CST7: variants seen among roughly 807,000 people sequenced by gnomAD.
The protein encoded by CST7 is cystatin F.
In CST7, 15 loss-of-function variants were observed where a neutral mutation model predicts 13.1. The ratio of observed to expected loss-of-function variants is 1.14; its 90% CI spans 0.77 to 1.76. The LOEUF (loss-of-function observed/expected upper bound fraction) is 1.76, where lower values mean the gene tolerates loss of function less well. Ranked by LOEUF, CST7 falls within the 40% of genes most tolerant of loss-of-function variation. The pLI, the probability that CST7 is intolerant of heterozygous loss-of-function variation, is 0.00. For synonymous variants in CST7, 75 were observed against 66.9 expected, an observed-to-expected ratio of 1.12 and a Z score of -0.59; for missense variants, 193 against 178.8, an observed-to-expected ratio of 1.08 and a Z score of -0.45.
chr20:24,957,210 A>G, intron 1 of CST7, 77 bp from the exon 2 acceptor site: 4 of 1,452,696 alleles, frequency 2.8e-6, no homozygotes, highest in Non-Finnish European at 3.8e-6. Flanking sequence ...TGAGCATCAC[A>G]GAGGCATGAG....
intron 2 of CST7, 81 bp from the exon 3 acceptor site, chr20:24,958,847 G>C: frequency 1.9e-6 from 2 of 1,044,718 alleles, no homozygotes; most frequent in Admixed American, 1.7e-5. Flanking sequence ...CTGCACCACT[G>C]TCTTGAGGCC....
chr20:24,953,552 C>A (rs1170564760), intron 1 of CST7, among the ~76,000 whole-genome samples: 2 of 152,160 alleles, frequency 1.3e-5, no homozygotes, highest in East Asian at 3.9e-4. Flanking sequence ...GTTTCATTTG[C>A]CTTCCTGTGA....
chr20:24,958,831 G>A (rs2087875663), intron 2 of CST7, 97 bp from the exon 3 acceptor site: 1 of 862,612 alleles, frequency 1.2e-6, no homozygotes, highest in Non-Finnish European at 1.9e-6. Flanking sequence ...TCTCCTCGGT[G>A]GGCACCTGCA....
Position 24,959,782 on chromosome 20 carries a change from C to A in CST7, c.*70C>A. 6.8e-7 allele frequency: 1 copy of A among 1,473,126 alleles called. No homozygotes were observed. The highest frequency in any genetic ancestry group is 9.5e-7 in the Non-Finnish European group (1 of 1,052,874). 91.3% of individuals were successfully genotyped at this position (1,473,126 alleles called of 1,614,324 possible). A position where few individuals can be genotyped will look rare whatever the true frequency, so the allele number is the denominator to read the frequency against. ...TGCATGCTCCTTGTCCCCTCCCACC[C>A]GCCTCATGACCCAGCCTCACAGACC... On this transcript the variant is annotated 3_prime_UTR_variant, in exon 4 of 4. Coordinates refer to ENST00000480798, the MANE Select transcript of CST7 (RefSeq NM_003650.4).
chr20:24,955,950 G>C (rs2087851150), intron 1 of CST7, among the ~76,000 whole-genome samples: 1 of 152,308 alleles, frequency 6.6e-6, no homozygotes, highest in African/African-American at 2.4e-5. Flanking sequence ...GGCTGCTAAA[G>C]CACAAGGCAG....
At chr20:24,952,322 G>A (rs192640596) in intron 1 of CST7, among the ~76,000 whole-genome samples, 69 of 152,338 alleles carry the variant, frequency 4.5e-4, no homozygotes, top group Non-Finnish European at 9.6e-4. Flanking sequence ...GTGAGAAGCA[G>A]AGCTGGAATT....
At position 24,957,557 on chromosome 20, in the gene CST7, G is replaced by T. The variant is rs549072008; in HGVS notation, c.243+98G>T. 2.4e-5 allele frequency: 30 copies of T among 1,275,204 alleles called. No individual in the cohort carries two copies. In the South Asian group the frequency reaches 3.6e-4, roughly 15 times the overall value. The allele number at this position is 1,275,204 out of a possible 1,614,324, so 79.0% of individuals were successfully genotyped here. A position where few individuals can be genotyped will look rare whatever the true frequency, so the allele number is the denominator to read the frequency against. ...GAGAGCAGGGCGGATATAATGTGAA[G>T]TCCCTGCTGAGTGCAGAGCTCTGAG... On this transcript the variant is annotated intron_variant, in intron 2 of 3. Transcript: ENST00000480798.
chr20:24,957,459 G>A lies in CST7; in HGVS notation c.243G>A (p.Gln81=), dbSNP rs920389857. The part of the protein sequence containing the change: ...KESRITRALV[Q]IVKGLKYMLE... ...CCCGCATCACAAGGGCCCTAGTTCA[G>A]GTAACGGTCTGGGTTCTGGTCACAT... Residue 81 remains glutamine (Q), a splice_region_variant and synonymous_variant, in exon 2 of 4, where the codon CAG becomes CAA. Transcript: ENST00000480798. 1.9e-6 allele frequency: 3 copies of A among 1,613,154 alleles called. No individual in the cohort carries two copies. Among genetic ancestry groups the A allele is most frequent in the South Asian group, 2.2e-5 (2 of 91,022 alleles).
chr20:24,956,066 C>G (rs189155192), intron 1 of CST7, among the ~76,000 whole-genome samples: 1 of 152,162 alleles, frequency 6.6e-6, no homozygotes, highest in Non-Finnish European at 1.5e-5. Flanking sequence ...GACTCTTTAC[C>G]GGGATGGGGC....
Position 24,957,395 on chromosome 20 carries a change from T to C in CST7, c.179T>C (p.Phe60Ser). 1.2e-6 allele frequency: 2 copies of C among 1,613,738 alleles called. No individual in the cohort carries two copies. The highest frequency in any genetic ancestry group is 1.7e-6 in the Non-Finnish European group (2 of 1,179,794). ...GCAGCCAGATACAGTGTTGAAAAGT[T>C]CAACAACTGCACGAACGACATGTTC... ...LQAARYSVEKFNNCTNDMFLF... is the reference protein window; with the variant it reads ...LQAARYSVEKSNNCTNDMFLF... The change falls in exon 2 of 4, where the codon TTC (phenylalanine) becomes TCC (serine). Residue 60 changes from phenylalanine (F) to serine (S), a missense_variant. By Grantham distance (155) the Phe-to-Ser change is radical. Coordinates refer to ENST00000480798, the MANE Select transcript of CST7 (RefSeq NM_003650.4).
At chr20:24,951,742 G>GC (rs1238908089) in intron 1 of CST7, among the ~76,000 whole-genome samples, 1 of 152,206 alleles carries the variant, frequency 6.6e-6, no homozygotes, top group Non-Finnish European at 1.5e-5. Context: ...ATAGCGCTGA[G>GC]CCCCTCAGGG....
intron 1 of CST7, among the ~76,000 whole-genome samples, chr20:24,951,403 G>A (rs1199441199): frequency 1.2e-4 from 18 of 152,296 alleles, no homozygotes; most frequent in Non-Finnish European, 1.9e-4. Context: ...CTGTGCTGGT[G>A]ACAGCCCCCA....
chr20:24,953,673 A>G (rs2087834632), intron 1 of CST7, among the ~76,000 whole-genome samples: 1 of 151,286 alleles, frequency 6.6e-6, no homozygotes, highest in African/African-American at 2.4e-5. Context: ...GGCATGGCCC[A>G]CCTCCCCTCC....
At chr20:24,951,410 C>A (rs919286884) in intron 1 of CST7, among the ~76,000 whole-genome samples, 2 of 152,210 alleles carry the variant, frequency 1.3e-5, no homozygotes, top group Non-Finnish European at 1.5e-5. Flanking sequence ...GGTGACAGCC[C>A]CCAGCACCCT....
intron 1 of CST7, among the ~76,000 whole-genome samples, chr20:24,956,827 A>G (rs2087857819): frequency 6.6e-6 from 1 of 151,750 alleles, no homozygotes; most frequent in Non-Finnish European, 1.5e-5. Context: ...CTAAGGCTAC[A>G]TCCCGTACTG....
intron 1 of CST7, among the ~76,000 whole-genome samples, chr20:24,952,604 A>G (rs750041928): frequency 1.3e-5 from 2 of 152,144 alleles, no homozygotes; most frequent in Non-Finnish European, 2.9e-5. Context: ...CACCCCCCCA[A>G]CACCCCAGTG....
intron 2 of CST7, 35 bp from the exon 3 acceptor site, chr20:24,958,893 T>G (rs1279755279): frequency 6.6e-7 from 1 of 1,507,398 alleles, no homozygotes; most frequent in Admixed American, 1.7e-5. Flanking sequence ...CTCCCTCCCC[T>G]GTGCCCAGTA....
chr20:24,952,813 C>G (rs1490098048), intron 1 of CST7, among the ~76,000 whole-genome samples: 3 of 152,226 alleles, frequency 2.0e-5, no homozygotes, highest in Non-Finnish European at 1.5e-5. Flanking sequence ...GTTTCACAAG[C>G]AGGGGCTTCC....
At chr20:24,956,350 C>T (rs1035458622) in intron 1 of CST7, among the ~76,000 whole-genome samples, 4 of 152,152 alleles carry the variant, frequency 2.6e-5, no homozygotes, top group Non-Finnish European at 5.9e-5. Flanking sequence ...GCTATGAAGC[C>T]TGTCCCCTCC....
Sources: allele counts gnomAD v4.1 joint callset (sites outside exome capture counted in the v4.1 genomes callset), GRCh38; gene constraint gnomAD v4.1.1; transcripts MANE v1.5; gene names NCBI Gene and HGNC (gene_info 2026-07-23, HGNC 2026-07-21).